CACNA1B: variants seen among roughly 807,000 people sequenced by gnomAD.
The protein encoded by CACNA1B is calcium voltage-gated channel subunit alpha1 B.
CACNA1B carries 70 observed loss-of-function variants against 247.2 expected under a neutral mutation model. The ratio of observed to expected loss-of-function variants is 0.28; its 90% confidence interval spans 0.23 to 0.35. CACNA1B has a LOEUF of 0.35. Among genes scored for constraint, CACNA1B ranks in the 10% least tolerant of loss-of-function variants. CACNA1B has a pLI of 1.00. For synonymous variants in CACNA1B, 1,231 were observed against 1,294.4 expected (o/e 0.95, Z 1.05); for missense variants, 2,367 against 3,197.4 (o/e 0.74, Z 6.26).
At chr9:137,991,805 A>T (rs1958434656) in intron 15 of CACNA1B, among the ~76,000 whole-genome samples, 1 of 152,228 alleles carries the variant, frequency 6.6e-6, no homozygotes. Flanking sequence ...AAACAAAACA[A>T]TTATCAGCCA....
Position 138,121,006 on chromosome 9 carries a change from G to A in CACNA1B, c.6489+125G>A. 1 of 1,157,050 alleles carries A rather than the reference G, an allele frequency of 8.6e-7. No homozygotes were observed. Among genetic ancestry groups the A allele is most frequent in the Non-Finnish European group, 1.2e-6 (1 of 834,914 alleles). The allele number at this position is 1,157,050 out of a possible 1,614,324, so 71.7% of individuals were successfully genotyped here. On this transcript the variant is annotated intron_variant, in intron 46 of 46. Coordinates refer to ENST00000371372, the MANE Select transcript of CACNA1B (RefSeq NM_000718.4). The surrounding 1 kb of genome is among the most constrained non-coding windows in gnomAD (Gnocchi z 6.8). ...CCCTTTGTCATTCCCAGCAACCCAA[G>A]GGCCGGGCGCTCCCCTCTGTGCCCT...
At position 138,046,912 on chromosome 9, in the gene CACNA1B, G is replaced by A. The variant is rs199841462; in HGVS notation, c.3422G>A (p.Arg1141His). ...FCLSPTNLLR[R>H]FCHYIVTMRY... ...CGTGCCTTCCCTCACAGGCTCCGCC[G>A]CTTCTGCCACTACATCGTGACCATG... The change falls in exon 22 of 47, where the codon CGC becomes CAC. Residue 1141 changes from arginine (R) to histidine (H), a missense_variant. Arg to His is a conservative substitution (Grantham distance 29). Transcript: ENST00000371372. 2.1e-5 allele frequency: 34 copies of A among 1,613,390 alleles called. No homozygotes were observed. The South Asian group carries it at 2.2e-4, about 10-fold the overall frequency.
At chr9:138,040,673 G>A (rs1208103982) in intron 20 of CACNA1B, 4 of 258,566 alleles carry the variant, frequency 1.5e-5, no homozygotes, top group South Asian at 1.1e-4. Flanking sequence ...AGGCTGGGAG[G>A]TGAGGCCCGT....
chr9:137,898,436 A>G (rs1957195487), intron 3 of CACNA1B, among the ~76,000 whole-genome samples: 1 of 151,630 alleles, frequency 6.6e-6, no homozygotes, highest in South Asian at 2.1e-4. Context: ...TTTTTCTGGA[A>G]CTCTGATGAT....
At chr9:137,921,371 C>T (rs548677193) in intron 6 of CACNA1B, among the ~76,000 whole-genome samples, 23 of 151,976 alleles carry the variant, frequency 1.5e-4, no homozygotes, top group African/African-American at 5.3e-4. Context: ...GCACCACGGC[C>T]GCGCAGCATC....
At position 137,950,855 on chromosome 9, in the gene CACNA1B, CAG is replaced by C. The variant is rs1366225284; in HGVS notation, c.967-1418_967-1417del. On this transcript the variant is annotated intron_variant, in intron 6 of 46. Transcript: ENST00000371372. This position sits in a 1 kb window ranked among gnomAD's most constrained non-coding sequence, Gnocchi z 4.8. ...CTATATTTGCTTTATGAATAATTTTCAGTATGTTAATTCCACCTAGTGGGAAC... is the reference window on the plus strand; with the variant it reads ...CTATATTTGCTTTATGAATAATTTTCTATGTTAATTCCACCTAGTGGGAAC... 6.6e-6 allele frequency among the ~76,000 whole-genome samples: 1 copy of C among 152,186 alleles called. No individual in the cohort carries two copies. Among genetic ancestry groups the C allele is most frequent in the Non-Finnish European group, 1.5e-5 (1 of 68,034 alleles).
At chr9:138,090,872 A>G (rs751301034) in intron 36 of CACNA1B, among the ~76,000 whole-genome samples, 2 of 152,120 alleles carry the variant, frequency 1.3e-5, no homozygotes, top group African/African-American at 2.4e-5. Context: ...GTGAGATACC[A>G]TCTCACCCCA....
At chr9:138,067,948 AGTT>A (rs1959978794) in intron 31 of CACNA1B, among the ~76,000 whole-genome samples, 1 of 152,258 alleles carries the variant, frequency 6.6e-6, no homozygotes, top group Non-Finnish European at 1.5e-5. Context: ...AGAATGTGCC[AGTT>A]GTTAGGGTCT....
chr9:137,954,697 GCCTGGTCACCT>G lies in CACNA1B; in HGVS notation c.1071-1000_1071-990del, dbSNP rs572449377. Among the ~76,000 whole-genome samples, 1,451 of 152,230 alleles carry G rather than the reference GCCTGGTCACCT, an allele frequency of 9.5e-3. 7 individuals carry two copies. Among genetic ancestry groups the G allele is most frequent in the South Asian group, 0.012 (59 of 4,822 alleles). On this transcript the variant is annotated intron_variant, in intron 7 of 46. Coordinates refer to ENST00000371372, the MANE Select transcript of CACNA1B (RefSeq NM_000718.4). This position sits in a 1 kb window ranked among gnomAD's most constrained non-coding sequence, Gnocchi z 4.1. ...CAGATGGGAGGGTGCACCTGGGCAG[GCCTGGTCACCT>G]TGCACTGCCTGGGCTGTAGCAGCTC...
chr9:138,107,769 G>C (rs2131356794), intron 39 of CACNA1B, among the ~76,000 whole-genome samples: 1 of 152,256 alleles, frequency 6.6e-6, no homozygotes, highest in South Asian at 2.1e-4. Context: ...CAGATTGCCT[G>C]AGCTCAGAAG....
chr9:137,955,186 C>T lies in CACNA1B; in HGVS notation c.1071-512C>T, dbSNP rs1274544605. On this transcript the variant is annotated intron_variant, in intron 7 of 46. Transcript: ENST00000371372. This position sits in a 1 kb window ranked among gnomAD's most constrained non-coding sequence, Gnocchi z 6.9. The stretch of plus-strand genomic sequence containing the variant: ...GCCTCTGGCCTGCCCTGACCCAGTC[C>T]CTTCTTCCCTGTCCCTGTCTGTCCC... Among the ~76,000 whole-genome samples the T allele has an allele frequency of 2.0e-5, 3 of 152,150 alleles. No individual in the cohort carries two copies. The highest frequency in any genetic ancestry group is 4.4e-5 in the Non-Finnish European group (3 of 68,046).
At chr9:137,927,490 A>T (rs1957564751) in intron 6 of CACNA1B, among the ~76,000 whole-genome samples, 1 of 152,174 alleles carries the variant, frequency 6.6e-6, no homozygotes, top group Non-Finnish European at 1.5e-5. Flanking sequence ...TGCTGAAAAG[A>T]CTGTCCTTTT....
chr9:137,990,060 G>A lies in CACNA1B; in HGVS notation c.1974+3206G>A, dbSNP rs1958414447. ...AAGTTCTTGGAACTACCACAGGCAA[G>A]TTCTCAGCCCTGGGCACTGGCTGCC... On this transcript the variant is annotated intron_variant, in intron 15 of 46. Coordinates refer to ENST00000371372, the MANE Select transcript of CACNA1B (RefSeq NM_000718.4). This position sits in a 1 kb window ranked among gnomAD's most constrained non-coding sequence, Gnocchi z 4.5. 6.6e-6 allele frequency among the ~76,000 whole-genome samples: 1 copy of A among 152,134 alleles called. No individual in the cohort carries two copies. Among genetic ancestry groups the A allele is most frequent in the South Asian group, 2.1e-4 (1 of 4,830 alleles).
chr9:138,099,137 CAGG>C (rs1564285576), intron 37 of CACNA1B, among the ~76,000 whole-genome samples: 1 of 152,164 alleles, frequency 6.6e-6, no homozygotes, highest in Non-Finnish European at 1.5e-5. Flanking sequence ...GGTGCACAAA[CAGG>C]ACATGTGTGC....
chr9:138,070,400 C>T (rs1398013187), intron 32 of CACNA1B, among the ~76,000 whole-genome samples: 1 of 152,198 alleles, frequency 6.6e-6, no homozygotes, highest in Non-Finnish European at 1.5e-5. Context: ...GGCAGTGGAG[C>T]CGAAGCTCCC....
At chr9:137,953,352 C>G (rs151227788) in intron 7 of CACNA1B, among the ~76,000 whole-genome samples, 1 of 152,220 alleles carries the variant, frequency 6.6e-6, no homozygotes, top group Admixed American at 6.5e-5. Flanking sequence ...CTCAGGCCCA[C>G]GGCTCCGAGC....
At chr9:137,941,697 ATACT>A (rs1008647815) in intron 6 of CACNA1B, among the ~76,000 whole-genome samples, 2 of 152,166 alleles carry the variant, frequency 1.3e-5, no homozygotes, top group Middle Eastern at 3.4e-3. Flanking sequence ...ATAAACCCAA[ATACT>A]TACAGCAAGC....
At chr9:138,025,372 G>A (rs1958909030) in intron 20 of CACNA1B, among the ~76,000 whole-genome samples, 200 bp downstream of exon 20, 1 of 152,226 alleles carries the variant, frequency 6.6e-6, no homozygotes, top group African/African-American at 2.4e-5. Context: ...GATAACTGAG[G>A]TTGAGCTCCA....
chr9:138,112,564 G>A lies in CACNA1B; in HGVS notation c.5536+59G>A. 2.6e-6 allele frequency: 3 copies of A among 1,169,442 alleles called. No homozygotes were observed. The South Asian group carries it at 3.7e-5, about 14-fold the overall frequency. The allele number at this position is 1,169,442 out of a possible 1,614,324, so 72.4% of individuals were successfully genotyped here. ...CACCTTTACTGTCCCACCCAGAGTGGCTGGAGGGCTGTGGAGGTGAGGGTG... is the reference window on the plus strand; with the variant it reads ...CACCTTTACTGTCCCACCCAGAGTGACTGGAGGGCTGTGGAGGTGAGGGTG... On this transcript the variant is annotated intron_variant, in intron 40 of 46. Transcript: ENST00000371372.
Sources: allele counts gnomAD v4.1 joint callset (sites outside exome capture counted in the v4.1 genomes callset), GRCh38; gene constraint gnomAD v4.1.1; non-coding constraint Gnocchi (gnomAD v3.1); transcripts MANE v1.5; gene names NCBI Gene and HGNC (gene_info 2026-07-23, HGNC 2026-07-21).